Variants in HMBOX1 observed in about 807,000 individuals in gnomAD.
The protein encoded by HMBOX1 is homeobox-containing protein 1.
Under a neutral mutation model 54.5 loss-of-function variants are expected in HMBOX1, and 14 were observed. That is an observed-to-expected ratio of 0.26 (90% CI 0.17 to 0.40). The LOEUF is 0.40. HMBOX1 is among the 10% of genes least tolerant of loss of function. The pLI, the probability that HMBOX1 is intolerant of heterozygous loss-of-function variation, is 1.00. For synonymous variants in HMBOX1, 160 were observed against 181.0 expected, an observed-to-expected ratio of 0.88 and a Z score of 0.93; for missense variants, 332 against 514.4, an observed-to-expected ratio of 0.65 and a Z score of 3.43.
chr8:29,026,043 TACACACACACACACACACACAC>T (rs35597688), intron 6 of HMBOX1, among the ~76,000 whole-genome samples: 1 of 143,482 alleles, frequency 7.0e-6, no homozygotes, highest in Non-Finnish European at 1.5e-5. Flanking sequence ...TGCTACCATG[TACACACACACACACACACACAC>T]ACACACACAC....
At chr8:28,927,346 A>G (rs536826292) in intron 1 of HMBOX1, among the ~76,000 whole-genome samples, 10 of 152,346 alleles carry the variant, frequency 6.6e-5, no homozygotes, top group Admixed American at 4.6e-4. Flanking sequence ...GTGTTACTAT[A>G]AAGGGATATC....
intron 3 of HMBOX1, among the ~76,000 whole-genome samples, chr8:28,975,847 G>A (rs1465386334): frequency 6.6e-6 from 1 of 152,128 alleles, no homozygotes; most frequent in Non-Finnish European, 1.5e-5. Context: ...GAGAAGATGA[G>A]AGAATTAGAT....
At chr8:29,030,940 A>G (rs10089526) in intron 6 of HMBOX1, among the ~76,000 whole-genome samples, 4,858 of 152,288 alleles carry the variant, frequency 0.032, 245 homozygotes, top group African/African-American at 0.11. Flanking sequence ...CAATCTGAAA[A>G]TGGAAAGAAA....
At chr8:28,935,972 A>G (rs1431366417) in intron 1 of HMBOX1, among the ~76,000 whole-genome samples, 1 of 152,042 alleles carries the variant, frequency 6.6e-6, no homozygotes, top group Non-Finnish European at 1.5e-5. Context: ...ACTCTCTAGA[A>G]TTACATTGAG....
rs1806512709 is a variant in HMBOX1 at position 29,052,288 on chromosome 8, C to T, written c.*1133C>T. The T allele has an allele frequency of 6.6e-6, 1 of 152,228 alleles. No individual in the cohort carries two copies. Among genetic ancestry groups the T allele is most frequent in the Non-Finnish European group, 1.5e-5 (1 of 68,074 alleles). The allele number at this position is 152,228 out of a possible 1,614,324, so 9.4% of individuals were successfully genotyped here. On this transcript the variant is annotated 3_prime_UTR_variant, in exon 10 of 10. Transcript: ENST00000287701. The stretch of plus-strand genomic sequence containing the variant: ...AGAAAAGCAGGGGACGTTTCCTACT[C>T]ACATTGTGGCTGTATGAGAACACGA...
At chr8:28,895,177 A>G (rs1811860818) in intron 1 of HMBOX1, among the ~76,000 whole-genome samples, 1 of 152,172 alleles carries the variant, frequency 6.6e-6, no homozygotes, top group Admixed American at 6.5e-5. Flanking sequence ...TTCTTTGTTT[A>G]TCTTATGTCC....
chr8:28,991,108 C>A (rs1218014396), intron 4 of HMBOX1, among the ~76,000 whole-genome samples: 4 of 151,920 alleles, frequency 2.6e-5, no homozygotes, highest in Non-Finnish European at 5.9e-5. Context: ...GCAAATGTGC[C>A]TTTTTTTTAT....
At chr8:29,033,811 G>A (rs1338778762) in intron 6 of HMBOX1, among the ~76,000 whole-genome samples, 1 of 152,198 alleles carries the variant, frequency 6.6e-6, no homozygotes, top group East Asian at 1.9e-4. Flanking sequence ...AAATACTGGT[G>A]TTGTATATAA....
intron 6 of HMBOX1, among the ~76,000 whole-genome samples, chr8:29,033,516 A>T (rs1349472676): frequency 6.6e-6 from 1 of 152,222 alleles, no homozygotes; most frequent in Non-Finnish European, 1.5e-5. Context: ...GCCAGTAAGA[A>T]GATGAACTGT....
At chr8:28,998,714 CTGTT>C (rs1191404403) in intron 4 of HMBOX1, among the ~76,000 whole-genome samples, 3 of 152,080 alleles carry the variant, frequency 2.0e-5, no homozygotes, top group East Asian at 1.9e-4. Flanking sequence ...TTTTGTTCCT[CTGTT>C]TGATTACTTT....
chr8:28,936,241 A>C (rs1367490874), intron 1 of HMBOX1, among the ~76,000 whole-genome samples: 1 of 152,016 alleles, frequency 6.6e-6, no homozygotes, highest in Non-Finnish European at 1.5e-5. Flanking sequence ...TGACTGTAGG[A>C]ATCAAACATG....
At chr8:28,967,836 A>G (rs907414550) in intron 2 of HMBOX1, among the ~76,000 whole-genome samples, 3 of 152,226 alleles carry the variant, frequency 2.0e-5, no homozygotes, top group Non-Finnish European at 4.4e-5. Context: ...ACAAGTGAGT[A>G]TTGGAAGAAA....
At chr8:28,960,785 T>G (rs1464397305) in intron 1 of HMBOX1, among the ~76,000 whole-genome samples, 6 of 76,698 alleles carry the variant, frequency 7.8e-5, no homozygotes, top group South Asian at 1.2e-3. Context: ...TTTTTTTTTT[T>G]TTTTTTTTTT....
intron 1 of HMBOX1, among the ~76,000 whole-genome samples, chr8:28,946,038 C>T (rs1316579153): frequency 3.3e-5 from 5 of 151,192 alleles, no homozygotes; most frequent in South Asian, 2.1e-4. Context: ...CTGCAACCTC[C>T]GCCTCCCAGG....
chr8:29,023,758 T>A (rs547252757), intron 6 of HMBOX1, among the ~76,000 whole-genome samples: 5 of 152,302 alleles, frequency 3.3e-5, no homozygotes, highest in African/African-American at 1.2e-4. Context: ...CTTGATTCAC[T>A]TATTAAAAAA....
At chr8:28,920,357 G>A (rs1817339274) in intron 1 of HMBOX1, among the ~76,000 whole-genome samples, 1 of 152,070 alleles carries the variant, frequency 6.6e-6, no homozygotes, top group Admixed American at 6.5e-5. Context: ...AAACTCATAA[G>A]CCCTTCATAT....
At chr8:28,961,767 T>C (rs1825629099) in intron 1 of HMBOX1, among the ~76,000 whole-genome samples, 1 of 152,192 alleles carries the variant, frequency 6.6e-6, no homozygotes. Context: ...CTGTTTTCCA[T>C]AGTGGCTTCA....
chr8:29,034,420 A>G (rs372061867), intron 6 of HMBOX1, among the ~76,000 whole-genome samples: 1 of 152,236 alleles, frequency 6.6e-6, no homozygotes, highest in South Asian at 2.1e-4. Flanking sequence ...TTTGTCATCA[A>G]AATATTTTTG....
intron 3 of HMBOX1, among the ~76,000 whole-genome samples, chr8:28,973,813 T>TTTTTTTTTTTTTTTG (rs1827891302): frequency 2.9e-5 from 1 of 35,030 alleles, no homozygotes. Context: ...GTTTTTTTTT[T>TTTTTTTTTTTTTTTG]TTTTTTTTTT....
Sources: gnomAD v4.1 joint callset for allele counts (sites outside exome capture counted in the v4.1 genomes callset) on GRCh38, gnomAD v4.1.1 for gene constraint, MANE v1.5 for transcripts, NCBI Gene and HGNC (gene_info 2026-07-23, HGNC 2026-07-21) for gene names.